Variants in UBR3 observed in about 807,000 individuals in gnomAD.
UBR3 encodes the protein ubiquitin protein ligase E3 component n-recognin 3.
Under a neutral mutation model 243.2 loss-of-function variants are expected in UBR3, and 85 were observed. The observed-to-expected ratio is 0.35, with a 90% CI of 0.29 to 0.42. The LOEUF is 0.42. UBR3 is among the 10% of genes least tolerant of loss of function. The pLI is 1.00. For synonymous variants in UBR3, 748 were observed against 799.8 expected, an observed-to-expected ratio of 0.94 and a Z score of 1.09; for missense variants, 1,686 against 2,300.8, an observed-to-expected ratio of 0.73 and a Z score of 5.47.
intron 1 of UBR3, among the ~76,000 whole-genome samples, chr2:169,857,062 ATGTT>A (rs2082900741): frequency 3.2e-4 from 9 of 28,472 alleles, no homozygotes; most frequent in African/African-American, 7.4e-4. Context: ...TAATTTTATT[ATGTT>A]TTTTTTTTTT....
At chr2:170,029,073 G>T (rs896342099) in intron 30 of UBR3, among the ~76,000 whole-genome samples, 1 of 151,930 alleles carries the variant, frequency 6.6e-6, no homozygotes, top group Non-Finnish European at 1.5e-5. Context: ...GTAAAGTCAA[G>T]GACAAGTATG....
chr2:170,042,056 T>C (rs940627340), intron 32 of UBR3, among the ~76,000 whole-genome samples: 7 of 152,182 alleles, frequency 4.6e-5, no homozygotes, highest in Non-Finnish European at 2.9e-5. Flanking sequence ...TTCACACCAT[T>C]AGTTAGTTCC....
chr2:169,990,141 TAAAGA>T (rs982742441), intron 25 of UBR3, among the ~76,000 whole-genome samples: 3 of 152,204 alleles, frequency 2.0e-5, no homozygotes, highest in South Asian at 2.1e-4. Context: ...AACCATGTAT[TAAAGA>T]AAAGTCTCAT....
intron 1 of UBR3, among the ~76,000 whole-genome samples, chr2:169,842,920 G>C (rs1157578989): frequency 6.6e-6 from 1 of 152,194 alleles, no homozygotes; most frequent in Non-Finnish European, 1.5e-5. Context: ...CTTTCCTCCA[G>C]TTTCTGATAC....
intron 25 of UBR3, among the ~76,000 whole-genome samples, chr2:169,990,859 G>T (rs1218069767): frequency 2.2e-5 from 1 of 46,358 alleles, no homozygotes; most frequent in South Asian, 1.3e-3. Context: ...CAAAAAGGAA[G>T]AATTAATTTT....
At chr2:169,847,079 C>G (rs2082505071) in intron 1 of UBR3, among the ~76,000 whole-genome samples, 1 of 123,708 alleles carries the variant, frequency 8.1e-6, no homozygotes, top group African/African-American at 3.1e-5. Context: ...TTTTCTTAAA[C>G]TGTGTGTGTG....
chr2:169,921,984 CA>C (rs950189515), intron 11 of UBR3, among the ~76,000 whole-genome samples: 2 of 151,210 alleles, frequency 1.3e-5, no homozygotes, highest in Non-Finnish European at 3.0e-5. Flanking sequence ...GTGCGAGACT[CA>C]AAAAAAGGGT....
intron 8 of UBR3, among the ~76,000 whole-genome samples, chr2:169,903,654 T>A (rs2084910880): frequency 1.3e-5 from 2 of 152,150 alleles, no homozygotes; most frequent in Admixed American, 1.3e-4. Context: ...AAAAGTGCAG[T>A]AGAGGCCCTC....
chr2:170,001,879 C>G (rs1405530695), intron 27 of UBR3, among the ~76,000 whole-genome samples: 1 of 122,650 alleles, frequency 8.2e-6, no homozygotes, highest in Non-Finnish European at 1.6e-5. Flanking sequence ...CACCACTGCA[C>G]TCCAGCCTGG....
At chr2:170,050,101 G>C (rs576800213) in intron 32 of UBR3, among the ~76,000 whole-genome samples, 43 of 152,192 alleles carry the variant, frequency 2.8e-4, no homozygotes, top group Non-Finnish European at 5.1e-4. Context: ...GTTGTTAGAC[G>C]GACTTGGTAT....
At chr2:170,015,866 G>T (rs1046744078) in intron 30 of UBR3, among the ~76,000 whole-genome samples, 2 of 151,730 alleles carry the variant, frequency 1.3e-5, no homozygotes, top group Admixed American at 6.6e-5. Flanking sequence ...TGTGTGTAAG[G>T]ATATATTTGA....
intron 1 of UBR3, among the ~76,000 whole-genome samples, chr2:169,854,086 A>G (rs1388926318): frequency 6.6e-6 from 1 of 152,100 alleles, no homozygotes; most frequent in Non-Finnish European, 1.5e-5. Context: ...CTTAAAACCT[A>G]GATGACGGGT....
At chr2:169,872,492 G>T in intron 2 of UBR3, 117 bp downstream of exon 2, 1 of 713,276 alleles carries the variant, frequency 1.4e-6, no homozygotes, top group South Asian at 2.4e-5. Context: ...CATTTAAAAA[G>T]AGATGACTAT....
intron 18 of UBR3, among the ~76,000 whole-genome samples, chr2:169,932,351 T>C (rs1332013642): frequency 6.6e-6 from 1 of 152,172 alleles, no homozygotes; most frequent in Non-Finnish European, 1.5e-5. Flanking sequence ...GTGCTGGGAT[T>C]ACAGGCATGA....
intron 5 of UBR3, among the ~76,000 whole-genome samples, chr2:169,887,700 A>G (rs2084156331): frequency 6.6e-6 from 1 of 152,176 alleles, no homozygotes; most frequent in African/African-American, 2.4e-5. Flanking sequence ...AGATAACATT[A>G]CCTAAATCTC....
At chr2:170,047,196 G>A (rs923531613) in intron 32 of UBR3, among the ~76,000 whole-genome samples, 2 of 150,658 alleles carry the variant, frequency 1.3e-5, no homozygotes, top group African/African-American at 2.4e-5. Context: ...GCGGTGTCGG[G>A]GGGGGGGTCT....
intron 1 of UBR3, among the ~76,000 whole-genome samples, chr2:169,833,501 A>G (rs2081999241): frequency 6.6e-6 from 1 of 152,174 alleles, no homozygotes; most frequent in African/African-American, 2.4e-5. Context: ...AATTGGATAA[A>G]AAAGTGGCTG....
chr2:170,058,529 T>C, intron 33 of UBR3, among the ~76,000 whole-genome samples: 1 of 151,606 alleles, frequency 6.6e-6, no homozygotes, highest in Non-Finnish European at 1.5e-5. Flanking sequence ...CTTCCTTTTT[T>C]TTTTTTGACA....
intron 24 of UBR3, among the ~76,000 whole-genome samples, chr2:169,967,992 T>G (rs1489406631): frequency 6.6e-6 from 1 of 152,014 alleles, no homozygotes; most frequent in African/African-American, 2.4e-5. Context: ...CCTACCTTGC[T>G]TTTTCACTTA....
Sources: allele counts gnomAD v4.1 joint callset (sites outside exome capture counted in the v4.1 genomes callset), GRCh38; gene constraint gnomAD v4.1.1; transcripts MANE v1.5; gene names NCBI Gene and HGNC (gene_info 2026-07-23, HGNC 2026-07-21).